CD82: variants seen among roughly 807,000 people sequenced by gnomAD.
CD82 encodes CD82 molecule.
Under a neutral mutation model 37.4 loss-of-function variants are expected in CD82, and 36 were observed. The ratio of observed to expected loss-of-function variants is 0.96; its 90% CI spans 0.74 to 1.27. The LOEUF (loss-of-function observed/expected upper bound fraction) is 1.27. Ranked by LOEUF, CD82 falls within the 50% of genes most tolerant of loss-of-function variation. CD82 has a pLI of 0.00. For missense variants in CD82, 340 were observed against 347.0 expected (o/e 0.98, Z 0.16); for synonymous variants, 158 against 137.4 (o/e 1.15, Z -1.05).
chr11:44,564,540 G>A (rs1412171790), upstream of CD82: 1 of 455,736 alleles, frequency 2.2e-6, no homozygotes, highest in Non-Finnish European at 4.4e-6. Context: ...AGCCTGGGAG[G>A]GCAGAGGGCT....
chr11:44,571,710 A>C lies in CD82; in HGVS notation c.-103+5974A>C, dbSNP rs530917605. Among the ~76,000 whole-genome samples the C allele has an allele frequency of 1.8e-4, 28 of 152,066 alleles. No homozygotes were observed. The Middle Eastern group carries it at 0.01, about 55-fold the overall frequency. ...GTGTCTCAGCCTCCTGAGTAGCTGG[A>C]ATTTCAGGCATGCACCACCACACCA... On this transcript the variant is annotated intron_variant, in intron 1 of 9. Coordinates refer to ENST00000227155, the MANE Select transcript of CD82 (RefSeq NM_002231.4).
At chr11:44,573,324 T>G (rs1206116349) in intron 1 of CD82, 1 of 152,242 alleles carries the variant, frequency 6.6e-6, no homozygotes, top group Non-Finnish European at 1.5e-5. Context: ...CACCTCCCAC[T>G]CACTGTCTTA....
chr11:44,615,125 C>T (rs1853542193), intron 6 of CD82, 147 bp from the exon 7 acceptor site: 9 of 643,496 alleles, frequency 1.4e-5, no homozygotes, highest in South Asian at 1.2e-4. Flanking sequence ...CATCGGGCAC[C>T]CTGGGAGCGC....
chr11:44,576,810 G>A (rs1324264489), intron 1 of CD82, among the ~76,000 whole-genome samples: 1 of 152,182 alleles, frequency 6.6e-6, no homozygotes, highest in East Asian at 1.9e-4. Context: ...GTGAAATAGG[G>A]CGGGCATTAT....
chr11:44,579,670 G>A (rs574438375), intron 1 of CD82, among the ~76,000 whole-genome samples: 1 of 152,280 alleles, frequency 6.6e-6, no homozygotes, highest in South Asian at 2.1e-4. Context: ...TGTTACCAGT[G>A]TTCCTGCCAG....
At chr11:44,566,189 C>T (rs1852732216) in intron 1 of CD82, 1 of 152,200 alleles carries the variant, frequency 6.6e-6, no homozygotes, top group Non-Finnish European at 1.5e-5. Context: ...GGTTGGGGCT[C>T]GAACCCACCA....
intron 2 of CD82, among the ~76,000 whole-genome samples, chr11:44,589,227 G>C (rs11038074): frequency 0.066 from 9,979 of 152,288 alleles, 410 homozygotes; most frequent in Middle Eastern, 0.15. Context: ...CTGCACTCCA[G>C]CCTGGGTGAC....
chr11:44,614,200 A>G (rs1290637731), intron 6 of CD82, among the ~76,000 whole-genome samples: 1 of 151,946 alleles, frequency 6.6e-6, no homozygotes, highest in Non-Finnish European at 1.5e-5. Flanking sequence ...TTTTGACCAT[A>G]TAGTTGATAC....
rs775457653 is a variant in CD82 at position 44,605,446 on chromosome 11, C to T, written c.336+17C>T. On this transcript the variant is annotated intron_variant, in intron 6 of 9. Coordinates refer to ENST00000227155, the MANE Select transcript of CD82 (RefSeq NM_002231.4). The stretch of plus-strand genomic sequence containing the variant: ...ATGGGCAAGGTAAGCCCCTCTCTCC[C>T]TCCCTCTTCACTGGGCTGGACCAAC... 2 of 1,611,560 alleles carry T rather than the reference C, an allele frequency of 1.2e-6. No individual in the cohort carries two copies. The highest frequency in any genetic ancestry group is 3.3e-5 in the Admixed American group (2 of 60,018).
upstream of CD82, chr11:44,565,486 T>C (rs1444610631): frequency 6.7e-6 from 1 of 149,414 alleles, no homozygotes; most frequent in Non-Finnish European, 1.5e-5. Context: ...GCGAGGCTGG[T>C]TGGGGTACGG....
chr11:44,619,244 C>A lies in CD82; in HGVS notation c.*118C>A. 1.3e-6 allele frequency: 1 copy of A among 777,446 alleles called. No homozygotes were observed. Among genetic ancestry groups the A allele is most frequent in the Non-Finnish European group, 2.3e-6 (1 of 443,784 alleles). 48.2% of individuals were successfully genotyped at this position (777,446 alleles called of 1,614,324 possible). A position where few individuals can be genotyped will look rare whatever the true frequency, so the allele number is the denominator to read the frequency against. ...CACTGCGAAGACCCTCTTGCCCATCCTGACTGAAAGTAGGGGGCTTTCTGG... is the reference window on the plus strand; with the variant it reads ...CACTGCGAAGACCCTCTTGCCCATCATGACTGAAAGTAGGGGGCTTTCTGG... On this transcript the variant is annotated 3_prime_UTR_variant, in exon 10 of 10. Transcript: ENST00000227155.
chr11:44,571,951 T>C (rs1323135199), intron 1 of CD82, among the ~76,000 whole-genome samples: 2 of 152,172 alleles, frequency 1.3e-5, no homozygotes, highest in Admixed American at 1.3e-4. Flanking sequence ...CTGGGCTCCG[T>C]TCCCAGCTCA....
intron 9 of CD82, 130 bp from the exon 10 acceptor site, chr11:44,618,919 T>G (rs1164121748): frequency 2.3e-6 from 2 of 887,562 alleles, no homozygotes; most frequent in African/African-American, 3.3e-5. Context: ...CTCTGCTGCC[T>G]GCATCACAGG....
At position 44,619,408 on chromosome 11, in the gene CD82, G is replaced by C. The variant is rs1853624748; in HGVS notation, c.*282G>C. On this transcript the variant is annotated 3_prime_UTR_variant, in exon 10 of 10. Coordinates refer to ENST00000227155, the MANE Select transcript of CD82 (RefSeq NM_002231.4). ...CCCACAGCGTCCCTGGCGCAGGTGGGCTGGACTTCTACCTGCCCTCAAGGG... is the reference window on the plus strand; with the variant it reads ...CCCACAGCGTCCCTGGCGCAGGTGGCCTGGACTTCTACCTGCCCTCAAGGG... The C allele has an allele frequency of 2.1e-6, 1 of 480,042 alleles. No homozygotes were observed. The allele number at this position is 480,042 out of a possible 1,614,324, so 29.7% of individuals were successfully genotyped here.
At chr11:44,592,720 T>G (rs928275876) in intron 2 of CD82, among the ~76,000 whole-genome samples, 2 of 152,224 alleles carry the variant, frequency 1.3e-5, no homozygotes, top group African/African-American at 4.8e-5. Flanking sequence ...AAGTCATGTT[T>G]TCTCCTCTCT....
chr11:44,595,101 A>G (rs1356000707), intron 3 of CD82: 1 of 237,080 alleles, frequency 4.2e-6, no homozygotes, highest in Non-Finnish European at 8.4e-6. Context: ...CACCCTGCCC[A>G]TGTGAAGAAT....
intron 1 of CD82, among the ~76,000 whole-genome samples, chr11:44,586,061 A>T (rs1853050247): frequency 6.6e-6 from 1 of 152,098 alleles, no homozygotes; most frequent in Non-Finnish European, 1.5e-5. Context: ...CACCCCACTG[A>T]GGAGCAGAGG....
intron 2 of CD82, among the ~76,000 whole-genome samples, chr11:44,590,193 C>T (rs2134647404): frequency 6.9e-6 from 1 of 145,472 alleles, no homozygotes; most frequent in Admixed American, 7.0e-5. Flanking sequence ...CACCAGGGGC[C>T]AGCAGGCTTT....
At chr11:44,613,283 A>G (rs1168964333) in intron 6 of CD82, among the ~76,000 whole-genome samples, 1 of 152,136 alleles carries the variant, frequency 6.6e-6, no homozygotes, top group Non-Finnish European at 1.5e-5. Flanking sequence ...GGCTAGGTGG[A>G]GCCAGGCAGG....
Sources: allele counts gnomAD v4.1 joint callset (sites outside exome capture counted in the v4.1 genomes callset), GRCh38; gene constraint gnomAD v4.1.1; transcripts MANE v1.5; gene names NCBI Gene and HGNC (gene_info 2026-07-23, HGNC 2026-07-21).